Variants in GRM5 observed in about 807,000 individuals in gnomAD.
GRM5 encodes the protein metabotropic glutamate receptor 5.
A neutral mutation model predicts 83.1 loss-of-function variants in GRM5; 19 were observed. The observed-to-expected ratio is 0.23, with a 90% CI of 0.16 to 0.34. The LOEUF (loss-of-function observed/expected upper bound fraction) is 0.34. Among genes scored for constraint, GRM5 ranks in the 10% least tolerant of loss-of-function variants. GRM5 has a pLI of 1.00. For missense variants in GRM5, 1,160 were observed against 1,588.3 expected, an observed-to-expected ratio of 0.73 and a Z score of 4.58; for synonymous variants, 675 against 633.6, an observed-to-expected ratio of 1.07 and a Z score of -0.98.
At chr11:88,958,233 C>G (rs1565309581) in intron 2 of GRM5, among the ~76,000 whole-genome samples, 1 of 150,154 alleles carries the variant, frequency 6.7e-6, no homozygotes, top group Non-Finnish European at 1.5e-5. Flanking sequence ...TTATCACTTT[C>G]AAAAATATTT....
At chr11:88,932,341 A>G (rs1937740367) in intron 2 of GRM5, among the ~76,000 whole-genome samples, 1 of 152,064 alleles carries the variant, frequency 6.6e-6, no homozygotes, top group Non-Finnish European at 1.5e-5. Context: ...GAAATTACAT[A>G]AATGCCTAAC....
intron 2 of GRM5, among the ~76,000 whole-genome samples, chr11:89,042,216 G>A (rs928724466): frequency 6.6e-6 from 1 of 152,078 alleles, no homozygotes; most frequent in African/African-American, 2.4e-5. Flanking sequence ...ATTTCAGATA[G>A]TTATTAACAC....
intron 1 of GRM5, among the ~76,000 whole-genome samples, chr11:89,063,064 C>G (rs1486162427): frequency 6.6e-6 from 1 of 152,278 alleles, no homozygotes; most frequent in Non-Finnish European, 1.5e-5. Context: ...GCAGGCGCCA[C>G]GAAGCGGCCC....
At chr11:88,590,769 T>A in intron 6 of GRM5, 42 bp from the exon 7 acceptor site, 1 of 1,547,264 alleles carries the variant, frequency 6.5e-7, no homozygotes, top group Non-Finnish European at 8.9e-7. Flanking sequence ...TTTGCATAGA[T>A]AAAAATCCAA....
At chr11:88,770,694 G>A (rs1942716656) in intron 3 of GRM5, among the ~76,000 whole-genome samples, 2 of 152,074 alleles carry the variant, frequency 1.3e-5, no homozygotes, top group Admixed American at 6.6e-5. Context: ...TCACATGAAA[G>A]GAGTAACAGG....
intron 8 of GRM5, among the ~76,000 whole-genome samples, chr11:88,535,471 A>G (rs1591330348): frequency 1.3e-5 from 2 of 152,354 alleles, no homozygotes; most frequent in Non-Finnish European, 2.9e-5. Flanking sequence ...ACTGTGGTCC[A>G]GTGATTCAGT....
At chr11:89,028,342 G>A (rs184991398) in intron 2 of GRM5, among the ~76,000 whole-genome samples, 1 of 152,186 alleles carries the variant, frequency 6.6e-6, no homozygotes, top group East Asian at 1.9e-4. Flanking sequence ...CAACACTTTG[G>A]GAGGCCAAGG....
At chr11:88,811,436 TTCTCTACTATTCTG>T (rs1480789576) in intron 3 of GRM5, among the ~76,000 whole-genome samples, 2 of 152,142 alleles carry the variant, frequency 1.3e-5, no homozygotes, top group Non-Finnish European at 2.9e-5. Flanking sequence ...ATCCACAGTA[TTCTCTACTATTCTG>T]TGCTGTAGAA....
At chr11:89,024,451 C>A (rs1357423340) in intron 2 of GRM5, among the ~76,000 whole-genome samples, 3 of 152,082 alleles carry the variant, frequency 2.0e-5, no homozygotes, top group Non-Finnish European at 4.4e-5. Context: ...TGATCATCTA[C>A]CAAATTAATG....
intron 3 of GRM5, among the ~76,000 whole-genome samples, chr11:88,668,210 T>TCACACACACA (rs1554990663): frequency 8.1e-5 from 4 of 49,152 alleles, no homozygotes; most frequent in Non-Finnish European, 2.8e-4. Flanking sequence ...CTGCAGAAAC[T>TCACACACACA]CGCACACACA....
At chr11:88,884,546 G>A (rs1945010662) in intron 2 of GRM5, among the ~76,000 whole-genome samples, 1 of 152,138 alleles carries the variant, frequency 6.6e-6, no homozygotes, top group Non-Finnish European at 1.5e-5. Flanking sequence ...AAGTATGATT[G>A]TGTTTTGAAA....
At chr11:88,850,895 ACAGT>A (rs1944378742) in intron 2 of GRM5, among the ~76,000 whole-genome samples, 1 of 152,144 alleles carries the variant, frequency 6.6e-6, no homozygotes, top group South Asian at 2.1e-4. Flanking sequence ...ATTAATATTG[ACAGT>A]CAGCTATATG....
chr11:88,778,303 C>G (rs532919377), intron 3 of GRM5, among the ~76,000 whole-genome samples: 1 of 152,234 alleles, frequency 6.6e-6, no homozygotes, highest in Non-Finnish European at 1.5e-5. Context: ...TTGTTAAGAC[C>G]TTGGGAAAAG....
chr11:88,722,555 G>A (rs554036366), intron 3 of GRM5, among the ~76,000 whole-genome samples: 2 of 152,236 alleles, frequency 1.3e-5, no homozygotes, highest in African/African-American at 2.4e-5. Context: ...TTGTCCAGGA[G>A]GGACTGGCAC....
At chr11:88,745,950 C>A (rs1409732965) in intron 3 of GRM5, among the ~76,000 whole-genome samples, 1 of 152,120 alleles carries the variant, frequency 6.6e-6, no homozygotes, top group Non-Finnish European at 1.5e-5. Flanking sequence ...GTCTTGGTTC[C>A]CTCATCTTTA....
At chr11:88,997,462 A>C (rs1940223479) in intron 2 of GRM5, among the ~76,000 whole-genome samples, 1 of 151,840 alleles carries the variant, frequency 6.6e-6, no homozygotes, top group Non-Finnish European at 1.5e-5. Context: ...AATAACAAAA[A>C]TTAATAAACT....
chr11:88,858,978 C>T (rs952882219), intron 2 of GRM5, among the ~76,000 whole-genome samples: 2 of 151,822 alleles, frequency 1.3e-5, no homozygotes, highest in African/African-American at 2.4e-5. Flanking sequence ...AATATGTGTG[C>T]ATTAACTGAG....
chr11:89,054,059 G>T (rs1941820199), intron 1 of GRM5, among the ~76,000 whole-genome samples: 1 of 152,144 alleles, frequency 6.6e-6, no homozygotes, highest in African/African-American at 2.4e-5. Flanking sequence ...TTTCTGAGAG[G>T]ATTCCAACAG....
intron 3 of GRM5, among the ~76,000 whole-genome samples, chr11:88,767,772 T>C (rs1174710514): frequency 2.0e-5 from 3 of 151,870 alleles, no homozygotes; most frequent in South Asian, 2.1e-4. Flanking sequence ...ACCAAATCCC[T>C]GTAAGACCCA....
Sources: allele counts gnomAD v4.1 joint callset (sites outside exome capture counted in the v4.1 genomes callset), GRCh38; gene constraint gnomAD v4.1.1; transcripts MANE v1.5; gene names NCBI Gene and HGNC (gene_info 2026-07-23, HGNC 2026-07-21).